Variants in LARGE1 observed in about 807,000 individuals in gnomAD.
LARGE1 encodes xylosyl- and glucuronyltransferase LARGE1.
A neutral mutation model predicts 87.6 loss-of-function variants in LARGE1; 43 were observed. The ratio of observed to expected loss-of-function variants is 0.49; its 90% CI spans 0.38 to 0.63. The LOEUF is 0.63. Among genes scored for constraint, LARGE1 ranks in the 30% least tolerant of loss-of-function variants. The pLI is 0.00. For missense variants in LARGE1, 802 were observed against 1,000.2 expected, an observed-to-expected ratio of 0.80 and a Z score of 2.67; for synonymous variants, 434 against 394.6, an observed-to-expected ratio of 1.10 and a Z score of -1.18.
chr22:33,763,944 T>C (rs2084818423), intron 1 of LARGE1, among the ~76,000 whole-genome samples: 1 of 141,768 alleles, frequency 7.1e-6, no homozygotes, highest in African/African-American at 2.7e-5. Context: ...CCGCCTCCCA[T>C]GTTCAAGGGA....
chr22:33,347,581 C>T (rs1939907425), intron 9 of LARGE1, among the ~76,000 whole-genome samples: 1 of 152,166 alleles, frequency 6.6e-6, no homozygotes. Context: ...CTGTTATCCC[C>T]TTGTTTGGAT....
intron 1 of LARGE1, among the ~76,000 whole-genome samples, chr22:33,889,815 T>G (rs2064957632): frequency 6.6e-6 from 1 of 152,162 alleles, no homozygotes; most frequent in South Asian, 2.1e-4. Context: ...TTCATAACTT[T>G]CTGAGTGTTC....
intron 14 of LARGE1, 96 bp from the exon 15 acceptor site, chr22:33,274,720 G>A (rs1416068236): frequency 1.8e-6 from 2 of 1,109,188 alleles, no homozygotes; most frequent in Non-Finnish European, 2.7e-6. Flanking sequence ...GTGAATGAAT[G>A]ACTTGATAAT....
chr22:33,920,646 G>A (rs2065921310), upstream of LARGE1, among the ~76,000 whole-genome samples: 1 of 145,026 alleles, frequency 6.9e-6, no homozygotes, highest in African/African-American at 2.5e-5. Context: ...TAGGGGAGGC[G>A]CCCCGGGAAG....
Position 33,460,977 on chromosome 22 carries a change from T to C in LARGE1, c.788-28712A>G, listed in dbSNP as rs532856406. Among the ~76,000 whole-genome samples, 8 of 151,828 alleles carry C rather than the reference T, an allele frequency of 5.3e-5. No individual in the cohort carries two copies. In the South Asian group the frequency reaches 1.0e-3, roughly 20 times the overall value. On this transcript the variant is annotated intron_variant, in intron 6 of 14. Coordinates refer to ENST00000397394, the MANE Select transcript of LARGE1 (RefSeq NM_133642.5). ...CATCTTGTAGCCTGGCAGAAGCAAA[T>C]ACAAATCCTATCTAGAGGACTGTAT...
chr22:33,280,472 A>G (rs1930221574), intron 13 of LARGE1, among the ~76,000 whole-genome samples: 1 of 152,142 alleles, frequency 6.6e-6, no homozygotes, highest in Admixed American at 6.6e-5. Flanking sequence ...AACTCTCAGA[A>G]AATTATAATG....
At chr22:33,454,635 A>AC (rs1491534690) in intron 6 of LARGE1, among the ~76,000 whole-genome samples, 1 of 144,962 alleles carries the variant, frequency 6.9e-6, no homozygotes, top group Non-Finnish European at 1.5e-5. Context: ...AAAAAAAAAA[A>AC]GAAGAAGAAG....
intron 11 of LARGE1, among the ~76,000 whole-genome samples, chr22:33,260,366 T>C (rs1927559463): frequency 6.6e-6 from 1 of 152,246 alleles, no homozygotes; most frequent in Non-Finnish European, 1.5e-5. Flanking sequence ...CATTTGCTTC[T>C]GAGAAATCCC....
intron 11 of LARGE1, among the ~76,000 whole-genome samples, chr22:33,181,690 G>A (rs1254594584): frequency 1.3e-5 from 2 of 151,802 alleles, no homozygotes; most frequent in Admixed American, 6.6e-5. Flanking sequence ...CACCACACCC[G>A]GGTAATTTTT....
chr22:33,332,336 C>T (rs1471886347), intron 10 of LARGE1, among the ~76,000 whole-genome samples: 1 of 152,172 alleles, frequency 6.6e-6, no homozygotes, highest in Non-Finnish European at 1.5e-5. Flanking sequence ...TCTCTCTTGC[C>T]TGCCACTGTG....
chr22:33,412,016 G>A (rs1846695720), intron 7 of LARGE1, among the ~76,000 whole-genome samples: 2 of 152,200 alleles, frequency 1.3e-5, no homozygotes, highest in Non-Finnish European at 1.5e-5. Flanking sequence ...GGGCACGGTG[G>A]CTCACGCCTG....
chr22:33,451,705 C>G (rs62225312), intron 6 of LARGE1, among the ~76,000 whole-genome samples: 3 of 150,826 alleles, frequency 2.0e-5, no homozygotes, highest in Non-Finnish European at 4.4e-5. Context: ...ATTACAGGCA[C>G]GCACCACCAC....
intron 1 of LARGE1, among the ~76,000 whole-genome samples, chr22:33,810,787 G>A (rs182167901): frequency 2.0e-3 from 297 of 151,492 alleles, no homozygotes; most frequent in Non-Finnish European, 3.7e-3. Context: ...GCAATGGTGC[G>A]ATCTTGGATC....
At chr22:33,758,112 C>A (rs927771631) in intron 2 of LARGE1, among the ~76,000 whole-genome samples, 2 of 152,204 alleles carry the variant, frequency 1.3e-5, no homozygotes, top group Non-Finnish European at 2.9e-5. Flanking sequence ...TTATGAGGAG[C>A]TTGACATCTG....
chr22:33,218,880 G>C (rs572359520), intron 11 of LARGE1, among the ~76,000 whole-genome samples: 1 of 152,296 alleles, frequency 6.6e-6, no homozygotes, highest in Non-Finnish European at 1.5e-5. Flanking sequence ...CAGCCACCTG[G>C]CATCCAGGCA....
At chr22:33,397,491 C>T (rs1445132293) in intron 7 of LARGE1, among the ~76,000 whole-genome samples, 1 of 152,134 alleles carries the variant, frequency 6.6e-6, no homozygotes, top group African/African-American at 2.4e-5. Flanking sequence ...ACAGTATGTG[C>T]CCTTTGTATG....
intron 11 of LARGE1, among the ~76,000 whole-genome samples, chr22:33,202,934 C>G (rs1924469721): frequency 6.6e-6 from 1 of 152,192 alleles, no homozygotes; most frequent in South Asian, 2.1e-4. Context: ...TAGCTAAGTT[C>G]TTGTCCACCC....
chr22:33,530,079 G>A lies in LARGE1; in HGVS notation c.787+34769C>T, dbSNP rs1414752044. Reference sequence around the variant, plus strand: ...ATAACTAATTTCTAAACTATCAGATGTAAAGAGAAGTCTGCTTTGGAGGTT... The same window carrying A: ...ATAACTAATTTCTAAACTATCAGATATAAAGAGAAGTCTGCTTTGGAGGTT... On this transcript the variant is annotated intron_variant, in intron 6 of 14. Transcript: ENST00000397394. 2.6e-5 allele frequency among the ~76,000 whole-genome samples: 4 copies of A among 152,200 alleles called. No individual in the cohort carries two copies. The East Asian group carries it at 7.7e-4, about 29-fold the overall frequency.
chr22:33,314,414 C>T (rs536214752), intron 11 of LARGE1, among the ~76,000 whole-genome samples: 12 of 152,280 alleles, frequency 7.9e-5, no homozygotes, highest in East Asian at 1.9e-4. Flanking sequence ...AATCATTCCA[C>T]GTTGCCTCCA....
Sources: allele counts gnomAD v4.1 joint callset (sites outside exome capture counted in the v4.1 genomes callset), GRCh38; gene constraint gnomAD v4.1.1; transcripts MANE v1.5; gene names NCBI Gene and HGNC (gene_info 2026-07-23, HGNC 2026-07-21).